Variants in GPX6 observed in about 807,000 individuals in gnomAD.
GPX6 encodes glutathione peroxidase 6 (olfactory).
A neutral mutation model predicts 20.0 loss-of-function variants in GPX6; 21 were observed. That is an observed-to-expected ratio of 1.05 (90% confidence interval 0.74 to 1.51). GPX6 has a LOEUF of 1.51. Among genes scored for constraint, GPX6 ranks in the 40% most tolerant of loss-of-function variants. The pLI, the probability that GPX6 is intolerant of heterozygous loss-of-function variation, is 0.00. For synonymous variants in GPX6, 75 were observed against 98.0 expected (o/e 0.77, Z 1.38); for missense variants, 233 against 254.7 (o/e 0.91, Z 0.58).
intron 1 of GPX6, among the ~76,000 whole-genome samples, chr6:28,511,474 C>T (rs1487006448): frequency 2.0e-5 from 3 of 152,228 alleles, no homozygotes; most frequent in East Asian, 1.9e-4. Flanking sequence ...GCTCCACCCT[C>T]GGGCCTGTGC....
chr6:28,513,062 G>A (rs956989550), intron 1 of GPX6, among the ~76,000 whole-genome samples: 2 of 152,208 alleles, frequency 1.3e-5, no homozygotes, highest in Non-Finnish European at 2.9e-5. Context: ...ACACTGGAAG[G>A]CCATTGACAG....
chr6:28,505,900 AAAGGG>A, intron 3 of GPX6, 98 bp from the exon 4 acceptor site: 1 of 890,730 alleles, frequency 1.1e-6, no homozygotes, highest in Non-Finnish European at 1.9e-6. Flanking sequence ...AATTCAAGAT[AAAGGG>A]AAGAGGCTGT....
chr6:28,514,893 G>A, intron 1 of GPX6, among the ~76,000 whole-genome samples: 1 of 152,166 alleles, frequency 6.6e-6, no homozygotes, highest in East Asian at 1.9e-4. Context: ...AAATTTGCGG[G>A]TGCCTCAGGT....
chr6:28,506,265 A>G (rs1203769954), intron 3 of GPX6, 47 bp downstream of exon 3: 1 of 1,122,348 alleles, frequency 8.9e-7, no homozygotes, highest in South Asian at 1.2e-5. Context: ...GGAATGAGGA[A>G]TGGAAATCCC....
intron 2 of GPX6, among the ~76,000 whole-genome samples, chr6:28,509,317 C>T (rs1561999512): frequency 1.4e-5 from 2 of 147,686 alleles, no homozygotes; most frequent in East Asian, 2.0e-4. Context: ...GTCAGGAGTT[C>T]GAGACCAGCC....
chr6:28,512,694 T>G (rs917542424), intron 1 of GPX6, among the ~76,000 whole-genome samples: 2 of 152,182 alleles, frequency 1.3e-5, no homozygotes, highest in Non-Finnish European at 2.9e-5. Context: ...CAATAAGTCT[T>G]GCTGCTGCTC....
At chr6:28,514,818 T>C (rs1581844454) in intron 1 of GPX6, among the ~76,000 whole-genome samples, 1 of 152,260 alleles carries the variant, frequency 6.6e-6, no homozygotes, top group Non-Finnish European at 1.5e-5. Context: ...TAACAAAAGA[T>C]ATATAATTGG....
intron 1 of GPX6, among the ~76,000 whole-genome samples, chr6:28,511,138 T>C (rs564258726): frequency 3.3e-5 from 5 of 152,208 alleles, no homozygotes; most frequent in Non-Finnish European, 7.3e-5. Flanking sequence ...TTTCATAATA[T>C]TCTTCCCGTT....
At chr6:28,515,381 G>C (rs1308609250) in intron 1 of GPX6, among the ~76,000 whole-genome samples, 1 of 152,196 alleles carries the variant, frequency 6.6e-6, no homozygotes, top group South Asian at 2.1e-4. Context: ...CCACCAGGGG[G>C]AAGTGGCAAA....
chr6:28,514,626 C>G (rs745474314), intron 1 of GPX6, among the ~76,000 whole-genome samples: 2 of 152,140 alleles, frequency 1.3e-5, no homozygotes, highest in African/African-American at 2.4e-5. Flanking sequence ...GAGTATCAAC[C>G]GGAAGCATTT....
intron 2 of GPX6, among the ~76,000 whole-genome samples, chr6:28,508,280 AG>A (rs1222509344): frequency 6.6e-6 from 1 of 152,214 alleles, no homozygotes; most frequent in Non-Finnish European, 1.5e-5. Flanking sequence ...AACTTTTTGA[AG>A]GGAGGAGAAT....
intron 1 of GPX6, among the ~76,000 whole-genome samples, chr6:28,511,113 G>A (rs1350460450): frequency 6.6e-6 from 1 of 152,136 alleles, no homozygotes; most frequent in African/African-American, 2.4e-5. Flanking sequence ...TTTTGTGTGT[G>A]TGGCAAGACA....
chr6:28,511,076 TTA>T (rs1472285940), intron 1 of GPX6, among the ~76,000 whole-genome samples, 172 bp from the exon 2 acceptor site: 1 of 152,186 alleles, frequency 6.6e-6, no homozygotes, highest in African/African-American at 2.4e-5. Flanking sequence ...TAGCTAGAAT[TTA>T]TGTCTTCTAA....
At chr6:28,508,643 TA>T (rs1187301564) in intron 2 of GPX6, among the ~76,000 whole-genome samples, 3,259 of 143,010 alleles carry the variant, frequency 0.023, 84 homozygotes, top group African/African-American at 0.063. Flanking sequence ...CAGTCTCTAT[TA>T]AAAAAAAAAA....
In GPX6 at chr6:28,512,655, C is replaced by T. The variant is rs977777339; in HGVS notation, c.88-1751G>A. Among the ~76,000 whole-genome samples, 15 of 152,332 alleles carry T rather than the reference C, an allele frequency of 9.8e-5. No individual in the cohort carries two copies. In the South Asian group the frequency reaches 2.1e-3, roughly 21 times the overall value. ...CAGCCCCCGTGGGTCCCCTTCCACA[C>T]TGTGGGAGCTTTGTTCTTTCGCTCT... On this transcript the variant is annotated intron_variant, in intron 1 of 4. Transcript: ENST00000361902.
intron 1 of GPX6, among the ~76,000 whole-genome samples, chr6:28,511,955 C>T (rs939340561): frequency 2.6e-5 from 4 of 151,616 alleles, no homozygotes; most frequent in African/African-American, 9.7e-5. Flanking sequence ...GCCCCGGGCA[C>T]TGAGGAGCTT....
intron 1 of GPX6, among the ~76,000 whole-genome samples, chr6:28,513,153 A>C (rs867750068): frequency 2.0e-5 from 3 of 152,114 alleles, no homozygotes; most frequent in Non-Finnish European, 4.4e-5. Context: ...AGCTACTTCC[A>C]CTTAATAAAA....
intron 2 of GPX6, among the ~76,000 whole-genome samples, chr6:28,508,107 T>C (rs1762824159): frequency 6.6e-6 from 1 of 152,254 alleles, no homozygotes. Context: ...AACCTTTTTA[T>C]ATCTCTTGAA....
rs1762800107 is a variant in GPX6, at chr6:28,505,707, A to G, written c.455T>C (p.Leu152Pro). 1 of 1,612,862 alleles carries G rather than the reference A, an allele frequency of 6.2e-7. No homozygotes were observed. Among genetic ancestry groups the G allele is most frequent in the Non-Finnish European group, 8.5e-7 (1 of 1,178,852 alleles). Reference sequence around the variant, plus strand: ...GCCAGGTTTATACTCATGCACCTTCAGGAAAGTAAAGACCTTCTGTTCTTT... The same window carrying G: ...GCCAGGTTTATACTCATGCACCTTCGGGAAAGTAAAGACCTTCTGTTCTTT... The part of the protein sequence containing the change: ...GEKEQKVFTF[L>P]KNSCPPTSDL... The change falls in exon 4 of 5, where the codon CTG (leucine) becomes CCG (proline). Residue 152 changes from leucine to proline, a missense_variant. Transcript: ENST00000361902.
Sources: gnomAD v4.1 joint callset for allele counts (sites outside exome capture counted in the v4.1 genomes callset) on GRCh38, gnomAD v4.1.1 for gene constraint, MANE v1.5 for transcripts, NCBI Gene and HGNC (gene_info 2026-07-23, HGNC 2026-07-21) for gene names.